The following DAB1 variants were observed in gnomAD, a reference collection of about 807,000 sequenced individuals.
DAB1 encodes disabled homolog 1.
A neutral mutation model predicts 64.6 loss-of-function variants in DAB1; 15 were observed. The ratio of observed to expected loss-of-function variants is 0.23; its 90% CI spans 0.16 to 0.36. The LOEUF is 0.36. Among genes scored for constraint, DAB1 ranks in the 10% least tolerant of loss-of-function variants. DAB1 has a pLI of 1.00. For synonymous variants in DAB1, 235 were observed against 251.9 expected (o/e 0.93, Z 0.64); for missense variants, 596 against 706.7 (o/e 0.84, Z 1.78).
intron 2 of DAB1, among the ~76,000 whole-genome samples, chr1:57,277,732 C>T (rs1025448348): frequency 2.6e-5 from 4 of 152,164 alleles, no homozygotes; most frequent in Admixed American, 2.0e-4. Flanking sequence ...ATAATAAGAA[C>T]ATTTTTCATT....
chr1:57,716,358 C>T (rs912622992), intron 6 of DAB1, among the ~76,000 whole-genome samples: 1 of 152,116 alleles, frequency 6.6e-6, no homozygotes, highest in Non-Finnish European at 1.5e-5. Flanking sequence ...AACTATAGTG[C>T]CAAAATAGCA....
intron 5 of DAB1, among the ~76,000 whole-genome samples, chr1:57,980,045 C>G (rs1456314698): frequency 6.6e-6 from 1 of 152,180 alleles, no homozygotes; most frequent in African/African-American, 2.4e-5. Context: ...TCAGAGTCAT[C>G]ATCTAACCAA....
intron 3 of DAB1, among the ~76,000 whole-genome samples, chr1:58,344,548 C>A (rs973219397): frequency 1.5e-4 from 23 of 152,268 alleles, no homozygotes; most frequent in South Asian, 6.2e-4. Context: ...CCCTCCACCC[C>A]CTGCCTCAGT....
chr1:57,606,387 T>TATATATAC (rs1645637687), intron 7 of DAB1, among the ~76,000 whole-genome samples: 1 of 133,628 alleles, frequency 7.5e-6, no homozygotes, highest in South Asian at 2.2e-4. Context: ...TATATATATA[T>TATATATAC]ATATACACAT....
chr1:57,282,031 A>G (rs1443267004), intron 2 of DAB1, among the ~76,000 whole-genome samples: 1 of 151,800 alleles, frequency 6.6e-6, no homozygotes, highest in Non-Finnish European at 1.5e-5. Flanking sequence ...AAAATATAAA[A>G]AATTAGCTGG....
chr1:57,286,758 G>A (rs1382741524), intron 2 of DAB1, among the ~76,000 whole-genome samples: 2 of 152,058 alleles, frequency 1.3e-5, no homozygotes, highest in Non-Finnish European at 2.9e-5. Context: ...CAGACACAAG[G>A]TTTGTCCCAG....
intron 2 of DAB1, among the ~76,000 whole-genome samples, chr1:57,219,035 A>C (rs532809813): frequency 6.6e-6 from 1 of 152,126 alleles, no homozygotes; most frequent in Non-Finnish European, 1.5e-5. Flanking sequence ...ACCACACTAA[A>C]CATTCCTTTT....
At chr1:57,618,987 C>T (rs925088268) in intron 7 of DAB1, among the ~76,000 whole-genome samples, 3 of 152,172 alleles carry the variant, frequency 2.0e-5, no homozygotes, top group Non-Finnish European at 4.4e-5. Context: ...TCTCACCTTA[C>T]AGAGCTGTCA....
intron 1 of DAB1, among the ~76,000 whole-genome samples, chr1:58,543,975 G>C (rs140689296): frequency 9.6e-4 from 146 of 152,310 alleles, no homozygotes; most frequent in African/African-American, 3.4e-3. Context: ...TATGTGGCTA[G>C]TGTCTACTGT....
At chr1:58,492,512 C>T (rs957159132) in intron 3 of DAB1, among the ~76,000 whole-genome samples, 3 of 152,060 alleles carry the variant, frequency 2.0e-5, no homozygotes, top group African/African-American at 7.3e-5. Context: ...AATTGATAGA[C>T]CACTAGCAAG....
rs535545957 is a variant in DAB1 at position 57,403,684 on chromosome 1, A to G, written c.-137+20246T>C. On this transcript the variant is annotated intron_variant, in intron 1 of 14. Coordinates refer to ENST00000371236, the MANE Select transcript of DAB1 (RefSeq NM_001365792.1). ...CTAGGGGTTAAAAGACCAGAAAAAA[A>G]CAAATTTTTTATGGATATGTCAGTA... Among the ~76,000 whole-genome samples the G allele has an allele frequency of 2.6e-5, 4 of 152,326 alleles. No homozygotes were observed. In the South Asian group the frequency reaches 8.3e-4, roughly 32 times the overall value.
At chr1:58,248,754 T>C (rs537192653) in intron 4 of DAB1, among the ~76,000 whole-genome samples, 1 of 152,150 alleles carries the variant, frequency 6.6e-6, no homozygotes, top group Non-Finnish European at 1.5e-5. Flanking sequence ...AATATGGCTG[T>C]GTTGTAATAC....
At chr1:58,336,291 T>C (rs1027797715) in intron 4 of DAB1, among the ~76,000 whole-genome samples, 2 of 152,252 alleles carry the variant, frequency 1.3e-5, no homozygotes, top group South Asian at 4.1e-4. Context: ...TCATATTCTG[T>C]TCTGGCGTTT....
intron 6 of DAB1, among the ~76,000 whole-genome samples, chr1:57,671,428 C>A (rs978064508): frequency 2.0e-5 from 3 of 152,016 alleles, no homozygotes; most frequent in African/African-American, 7.2e-5. Context: ...ACCAATGAGG[C>A]AGCAGCCTTC....
At chr1:57,791,470 G>A (rs1407272989) in intron 6 of DAB1, among the ~76,000 whole-genome samples, 2 of 152,160 alleles carry the variant, frequency 1.3e-5, no homozygotes, top group African/African-American at 4.8e-5. Flanking sequence ...GGAGTGAAGT[G>A]AAAAGTGCAT....
At chr1:57,530,723 A>G (rs1291489798) in intron 7 of DAB1, among the ~76,000 whole-genome samples, 1 of 152,206 alleles carries the variant, frequency 6.6e-6, no homozygotes, top group African/African-American at 2.4e-5. Flanking sequence ...TTTCTTGGCA[A>G]ACAGTGACAC....
At chr1:57,303,908 A>G (rs994038834) in intron 1 of DAB1, among the ~76,000 whole-genome samples, 2 of 152,182 alleles carry the variant, frequency 1.3e-5, no homozygotes, top group African/African-American at 4.8e-5. Context: ...CCTTACTGCT[A>G]CGCATGGCTT....
intron 5 of DAB1, among the ~76,000 whole-genome samples, chr1:57,993,034 G>GA (rs1646370565): frequency 6.6e-6 from 1 of 152,166 alleles, no homozygotes; most frequent in Non-Finnish European, 1.5e-5. Context: ...GAGGTTGACA[G>GA]AAGTGGAGTA....
At chr1:57,563,936 T>C (rs1645084835) in intron 7 of DAB1, among the ~76,000 whole-genome samples, 1 of 151,980 alleles carries the variant, frequency 6.6e-6, no homozygotes, top group African/African-American at 2.4e-5. Context: ...CTTTGAAGAG[T>C]GCAGTGGTTC....
Sources: allele counts gnomAD v4.1 joint callset (sites outside exome capture counted in the v4.1 genomes callset), GRCh38; gene constraint gnomAD v4.1.1; transcripts MANE v1.5; gene names NCBI Gene and HGNC (gene_info 2026-07-23, HGNC 2026-07-21).